Variants in DGKB observed in about 807,000 individuals in gnomAD.
The protein encoded by DGKB is diacylglycerol kinase beta.
Under a neutral mutation model 114.3 loss-of-function variants are expected in DGKB, and 67 were observed. The ratio of observed to expected loss-of-function variants is 0.59; its 90% CI spans 0.48 to 0.72. The LOEUF is 0.72. DGKB is among the 30% of genes least tolerant of loss of function. The pLI, the probability that DGKB is intolerant of heterozygous loss-of-function variation, is 0.00. For synonymous variants in DGKB, 398 were observed against 323.1 expected (o/e 1.23, Z -2.49); for missense variants, 907 against 975.2 (o/e 0.93, Z 0.93).
At chr7:14,350,885 G>A (rs1813316377) in intron 21 of DGKB, among the ~76,000 whole-genome samples, 1 of 151,922 alleles carries the variant, frequency 6.6e-6, no homozygotes, top group Non-Finnish European at 1.5e-5. Flanking sequence ...TAATTACTAA[G>A]GATGTTTCAG....
chr7:14,563,538 T>A (rs1796971739), intron 20 of DGKB, among the ~76,000 whole-genome samples: 1 of 152,120 alleles, frequency 6.6e-6, no homozygotes, highest in Admixed American at 6.6e-5. Context: ...ATTTTCTATC[T>A]TTTTGTTGAA....
At chr7:14,262,013 G>A (rs1256610328) in intron 23 of DGKB, among the ~76,000 whole-genome samples, 1 of 152,174 alleles carries the variant, frequency 6.6e-6, no homozygotes, top group Non-Finnish European at 1.5e-5. Context: ...GACTTTGAAT[G>A]AATCCTGGGT....
At chr7:14,668,785 C>T (rs967247853) in intron 13 of DGKB, among the ~76,000 whole-genome samples, 4 of 152,044 alleles carry the variant, frequency 2.6e-5, no homozygotes, top group African/African-American at 7.2e-5. Flanking sequence ...TCAAATTCCA[C>T]GATTAAGCCT....
At chr7:14,159,602 C>G (rs1783554535) in intron 25 of DGKB, among the ~76,000 whole-genome samples, 1 of 152,142 alleles carries the variant, frequency 6.6e-6, no homozygotes, top group African/African-American at 2.4e-5. Flanking sequence ...AACACTAGGA[C>G]AAAATGTCAG....
intron 23 of DGKB, among the ~76,000 whole-genome samples, chr7:14,215,688 G>A (rs745702186): frequency 1.3e-5 from 2 of 151,952 alleles, no homozygotes; most frequent in African/African-American, 4.8e-5. Flanking sequence ...ATTAATTCAT[G>A]GTTGAGGTAG....
chr7:14,270,752 T>C (rs1442953942), intron 23 of DGKB, among the ~76,000 whole-genome samples: 1 of 152,258 alleles, frequency 6.6e-6, no homozygotes, highest in Non-Finnish European at 1.5e-5. Flanking sequence ...TGAAGGCCTA[T>C]TGCCTGTGAA....
At chr7:14,858,849 G>C (rs374017046) in intron 1 of DGKB, among the ~76,000 whole-genome samples, 50 of 152,310 alleles carry the variant, frequency 3.3e-4, no homozygotes, top group African/African-American at 1.1e-3. Context: ...TTTATTGAGT[G>C]ACAAGTGCAT....
intron 1 of DGKB, among the ~76,000 whole-genome samples, chr7:14,846,297 T>C (rs541291924): frequency 6.6e-6 from 1 of 152,288 alleles, no homozygotes; most frequent in East Asian, 1.9e-4. Flanking sequence ...AGCCATTGGT[T>C]TCTCATAATT....
chr7:14,470,960 G>C (rs868268241), intron 21 of DGKB, among the ~76,000 whole-genome samples: 1 of 151,126 alleles, frequency 6.6e-6, no homozygotes, highest in African/African-American at 2.4e-5. Context: ...CTTTGATATA[G>C]CATTTTTCTG....
chr7:14,416,680 T>C (rs1184486408), intron 21 of DGKB, among the ~76,000 whole-genome samples: 2 of 152,140 alleles, frequency 1.3e-5, no homozygotes, highest in Non-Finnish European at 2.9e-5. Context: ...CTTTCTTGTG[T>C]GCTGCCACGT....
At chr7:14,920,448 G>T (rs752182586) in intron 1 of DGKB, among the ~76,000 whole-genome samples, 6 of 152,144 alleles carry the variant, frequency 3.9e-5, no homozygotes, top group Non-Finnish European at 5.9e-5. Context: ...ACAATAAGGT[G>T]CCATGATATG....
chr7:14,364,423 G>A (rs28483510), intron 21 of DGKB, among the ~76,000 whole-genome samples: 1 of 151,560 alleles, frequency 6.6e-6, no homozygotes, highest in Non-Finnish European at 1.5e-5. Context: ...AGGAAGAAAG[G>A]AAGGAAGGAA....
At chr7:14,661,845 C>T (rs9692214) in intron 13 of DGKB, among the ~76,000 whole-genome samples, 107,082 of 149,602 alleles carry the variant, frequency 0.72, 38,302 homozygotes, top group Admixed American at 0.79. Context: ...GAAAATGTGG[C>T]GCATATACAC....
At chr7:14,608,743 A>T (rs1192831679) in intron 16 of DGKB, among the ~76,000 whole-genome samples, 1 of 152,052 alleles carries the variant, frequency 6.6e-6, no homozygotes, top group Non-Finnish European at 1.5e-5. Flanking sequence ...AGGACACAAA[A>T]TAAATGTATA....
intron 21 of DGKB, among the ~76,000 whole-genome samples, chr7:14,431,373 CA>C (rs1828428363): frequency 6.6e-6 from 1 of 152,206 alleles, no homozygotes; most frequent in South Asian, 2.1e-4. Context: ...TTACAACAGA[CA>C]TTTTTTCTGC....
intron 1 of DGKB, among the ~76,000 whole-genome samples, chr7:14,847,163 C>T (rs998248213): frequency 1.3e-5 from 2 of 151,938 alleles, no homozygotes; most frequent in Admixed American, 1.3e-4. Flanking sequence ...TGGTGGTGGG[C>T]ACCTGTAGTC....
intron 6 of DGKB, among the ~76,000 whole-genome samples, chr7:14,710,065 A>G (rs1305766573): frequency 6.6e-6 from 1 of 151,854 alleles, no homozygotes; most frequent in Non-Finnish European, 1.5e-5. Context: ...CCAAAATAAC[A>G]CTGCTGGATT....
chr7:14,621,094 T>A (rs1807552728), intron 15 of DGKB: 1 of 276,994 alleles, frequency 3.6e-6, no homozygotes, highest in Non-Finnish European at 6.7e-6. Flanking sequence ...ATGTATTTAA[T>A]AAGTGTGTAT....
chr7:14,176,888 G>C lies in DGKB; in HGVS notation c.2255C>G (p.Ser752Cys), dbSNP rs776233835. 1.9e-6 allele frequency: 3 copies of C among 1,613,482 alleles called. No homozygotes were observed. The East Asian group carries it at 6.7e-5, about 36-fold the overall frequency. ...CSCVVIRTSKSLPMQIDGEPW... is the reference protein window; with the variant it reads ...CSCVVIRTSKCLPMQIDGEPW... ...CTCCCCATCAATTTGCATTGGCAGA[G>C]ACTTGCTCGTCCTGGGGGAAAATAT... is the stretch of plus-strand genomic sequence containing the variant. Residue 752 changes from serine to cysteine, a missense_variant, in exon 25 of 26, where the codon TCT (serine) becomes TGT (cysteine). This residue lies in a region of DGKB where 35 missense variants were observed against 66.0 expected (regional missense o/e 0.53). Coordinates refer to ENST00000402815, the MANE Select transcript of DGKB (RefSeq NM_001350709.2).
Sources: allele counts gnomAD v4.1 joint callset (sites outside exome capture counted in the v4.1 genomes callset), GRCh38; gene constraint gnomAD v4.1.1; regional missense constraint gnomAD v4.1.1; transcripts MANE v1.5; gene names NCBI Gene and HGNC (gene_info 2026-07-23, HGNC 2026-07-21).